DTL: variants seen among roughly 807,000 people sequenced by gnomAD.
DTL encodes the protein denticleless protein homolog.
Under a neutral mutation model 87.0 loss-of-function variants are expected in DTL, and 46 were observed. The ratio of observed to expected loss-of-function variants is 0.53; its 90% CI spans 0.42 to 0.68. The LOEUF (loss-of-function observed/expected upper bound fraction) is 0.68. DTL is among the 30% of genes least tolerant of loss of function. The pLI, the probability that DTL is intolerant of heterozygous loss-of-function variation, is 0.00. For missense variants in DTL, 737 were observed against 869.4 expected, an observed-to-expected ratio of 0.85 and a Z score of 1.91; for synonymous variants, 308 against 311.2, an observed-to-expected ratio of 0.99 and a Z score of 0.11.
rs1173082343 is a variant in DTL at position 212,042,075 on chromosome 1, A to G, written c.53-918A>G. Among the ~76,000 whole-genome samples the G allele has an allele frequency of 5.3e-5, 8 of 152,232 alleles. No homozygotes were observed. The South Asian group carries it at 8.3e-4, about 16-fold the overall frequency. ...AATGTGAGTTTGTTAATTATTTAAG[A>G]TGCTTTCAATAGATTGTAAACTCAG... On this transcript the variant is annotated intron_variant, in intron 1 of 14. Coordinates refer to ENST00000366991, the MANE Select transcript of DTL (RefSeq NM_016448.4).
At chr1:212,078,140 C>T (rs763157508) in intron 11 of DTL, 33 bp from the exon 12 acceptor site, 8 of 1,308,610 alleles carry the variant, frequency 6.1e-6, no homozygotes, top group Non-Finnish European at 7.7e-6. Flanking sequence ...TCTAATATTG[C>T]TTTGCTGACT....
intron 10 of DTL, among the ~76,000 whole-genome samples, chr1:212,069,401 A>G (rs1218645203): frequency 6.6e-6 from 1 of 152,134 alleles, no homozygotes; most frequent in Non-Finnish European, 1.5e-5. Context: ...TTCCTCATCT[A>G]TAGATCTTTC....
At chr1:212,058,697 CCTAA>C (rs1668250704) in intron 5 of DTL, among the ~76,000 whole-genome samples, 1 of 151,328 alleles carries the variant, frequency 6.6e-6, no homozygotes, top group East Asian at 1.9e-4. Context: ...AATAGCAGAG[CCTAA>C]CTAAATAGAG....
chr1:212,066,752 C>G, intron 7 of DTL, 60 bp from the exon 8 acceptor site: 1 of 1,531,014 alleles, frequency 6.5e-7, no homozygotes, highest in Non-Finnish European at 9.0e-7. Context: ...CACCTTGTTC[C>G]CTTGATGGTA....
Position 212,072,083 on chromosome 1 carries a change from GTTT to G in DTL, c.923-13_923-11del. The G allele has an allele frequency of 6.3e-7, 1 of 1,596,592 alleles. No individual in the cohort carries two copies. The highest frequency in any genetic ancestry group is 2.2e-5 in the East Asian group (1 of 44,756). The stretch of plus-strand genomic sequence containing the variant: ...GAAATAACAAGAGCCAAGTAATTTG[GTTT>G]TTTTCCTCTGGCAGTGGCTATTTTC... On this transcript the variant is annotated splice_polypyrimidine_tract_variant and intron_variant, in intron 10 of 14. Transcript: ENST00000366991.
rs879077390 is a variant in DTL at position 212,080,521 on chromosome 1, A to G, written c.1126-94A>G. 146 of 1,107,370 alleles carry G rather than the reference A, an allele frequency of 1.3e-4. No homozygotes were observed. The Admixed American group carries it at 1.5e-3, about 11-fold the overall frequency. The allele number at this position is 1,107,370 out of a possible 1,614,324, so 68.6% of individuals were successfully genotyped here. A position where few individuals can be genotyped will look rare whatever the true frequency, so the allele number is the denominator to read the frequency against. ...ATCCTGTTTATTAGACAAAATAATT[A>G]TCCAGTCACAAGGCCTTAAGACACA... On this transcript the variant is annotated intron_variant, in intron 12 of 14. Transcript: ENST00000366991.
intron 13 of DTL, among the ~76,000 whole-genome samples, chr1:212,088,265 C>T (rs1655186367): frequency 6.6e-6 from 1 of 152,216 alleles, no homozygotes; most frequent in Non-Finnish European, 1.5e-5. Context: ...GCTGCAGTCT[C>T]ACAAGTCAGC....
intron 5 of DTL, among the ~76,000 whole-genome samples, chr1:212,061,256 A>AG (rs1438736158): frequency 6.6e-6 from 1 of 152,106 alleles, no homozygotes; most frequent in Non-Finnish European, 1.5e-5. Context: ...TCAAAAAAAA[A>AG]AAAAAAGTAG....
intron 7 of DTL, among the ~76,000 whole-genome samples, chr1:212,066,022 G>A (rs368975265): frequency 6.6e-6 from 1 of 152,160 alleles, no homozygotes; most frequent in Non-Finnish European, 1.5e-5. Flanking sequence ...ACAAAATATT[G>A]TTAAATATAT....
In DTL at chr1:212,088,349, C is replaced by T. The variant is rs192719421; in HGVS notation, c.1261+7599C>T. ...CCTTGTCAGCAGTAATGAAACTTAA[C>T]AAACATTGTTTAATAATTCCTTACT... On this transcript the variant is annotated intron_variant, in intron 13 of 14. Coordinates refer to ENST00000366991, the MANE Select transcript of DTL (RefSeq NM_016448.4). 3.8e-3 allele frequency among the ~76,000 whole-genome samples: 575 copies of T among 152,268 alleles called. 5 individuals carry two copies. The highest frequency in any genetic ancestry group is 4.7e-3 in the Non-Finnish European group (322 of 68,012).
Position 212,101,080 on chromosome 1 carries a change from G to T in DTL, c.2090G>T (p.Ser697Ile). Residue 697 changes from serine to isoleucine, a missense_variant, in exon 14 of 15, where the codon AGC becomes ATC. Coordinates refer to ENST00000366991, the MANE Select transcript of DTL (RefSeq NM_016448.4). ...AGACAGAGCGGAAAGAAATTGCCAA[G>T]CCCGGTAAGTCAGCAGTGGTGGGAA... ...SRRQSGKKLP[S>I]PVTITPSSMR... 6.3e-7 allele frequency: 1 copy of T among 1,599,402 alleles called. No homozygotes were observed. The highest frequency in any genetic ancestry group is 8.5e-7 in the Non-Finnish European group (1 of 1,173,106).
intron 13 of DTL, among the ~76,000 whole-genome samples, chr1:212,083,737 G>C (rs1008760643): frequency 2.7e-4 from 41 of 152,132 alleles, no homozygotes; most frequent in African/African-American, 9.7e-4. Context: ...TGAACCAAGA[G>C]CAAAAATCTT....
At chr1:212,054,792 CAA>C (rs756328781) in intron 5 of DTL, among the ~76,000 whole-genome samples, 21 of 68,510 alleles carry the variant, frequency 3.1e-4, no homozygotes, top group South Asian at 5.6e-4. Flanking sequence ...GACACCACCT[CAA>C]AAAAAAAAAA....
At chr1:212,087,193 C>T (rs1655154785) in intron 13 of DTL, among the ~76,000 whole-genome samples, 1 of 152,278 alleles carries the variant, frequency 6.6e-6, no homozygotes, top group East Asian at 1.9e-4. Context: ...TATAATTGAA[C>T]CCTTGCAGTC....
chr1:212,087,323 T>A (rs1655158306), intron 13 of DTL, among the ~76,000 whole-genome samples: 1 of 151,896 alleles, frequency 6.6e-6, no homozygotes, highest in African/African-American at 2.4e-5. Flanking sequence ...GCCGAGTGGG[T>A]GGATCACGAG....
intron 13 of DTL, among the ~76,000 whole-genome samples, chr1:212,097,765 A>C (rs1354502049): frequency 6.6e-6 from 1 of 152,140 alleles, no homozygotes; most frequent in Non-Finnish European, 1.5e-5. Flanking sequence ...CTGGTAAGCT[A>C]GTATAATCTT....
intron 2 of DTL, among the ~76,000 whole-genome samples, chr1:212,044,183 C>T (rs898588876): frequency 6.6e-6 from 1 of 152,178 alleles, no homozygotes; most frequent in South Asian, 2.1e-4. Flanking sequence ...CTGCTGGCAG[C>T]CTACATCATC....
intron 13 of DTL, among the ~76,000 whole-genome samples, chr1:212,098,228 A>C (rs943047887): frequency 1.9e-4 from 12 of 62,308 alleles, no homozygotes; most frequent in Non-Finnish European, 3.9e-4. Context: ...AAGTTATTAC[A>C]TGGACAGACT....
chr1:212,042,969 C>A (rs775746472), intron 1 of DTL, 24 bp from the exon 2 acceptor site: 1 of 1,571,860 alleles, frequency 6.4e-7, no homozygotes, highest in Non-Finnish European at 8.6e-7. Context: ...TATTGGAATT[C>A]TATAAGGAAT....
Sources: allele counts gnomAD v4.1 joint callset (sites outside exome capture counted in the v4.1 genomes callset), GRCh38; gene constraint gnomAD v4.1.1; transcripts MANE v1.5; gene names NCBI Gene and HGNC (gene_info 2026-07-23, HGNC 2026-07-21).